The following EDEM1 variants were observed in gnomAD, a reference collection of about 807,000 sequenced individuals.
EDEM1 encodes the protein ER degradation enhancing alpha-mannosidase like protein 1.
A neutral mutation model predicts 74.4 loss-of-function variants in EDEM1; 67 were observed. The observed-to-expected ratio is 0.90, with a 90% CI of 0.74 to 1.10. The LOEUF is 1.10. EDEM1 is among the 50% of genes least tolerant of loss of function. The pLI is 0.00. For synonymous variants in EDEM1, 382 were observed against 335.9 expected (o/e 1.14, Z -1.50); for missense variants, 926 against 851.6 (o/e 1.09, Z -1.09).
Position 5,196,337 on chromosome 3 carries a change from G to C in EDEM1, c.582+1056G>C, listed in dbSNP as rs186210041. On this transcript the variant is annotated intron_variant, in intron 2 of 11. Coordinates refer to ENST00000256497, the MANE Select transcript of EDEM1 (RefSeq NM_014674.3). ...CTGGGCATGGTGGCGGGCGCCTGTG[G>C]TCCCAGCTCTTCAAGAGGCTGAGGC... Among the ~76,000 whole-genome samples, 208 of 152,198 alleles carry C rather than the reference G, an allele frequency of 1.4e-3. 1 individual carries two copies. Among genetic ancestry groups the C allele is most frequent in the African/African-American group, 4.9e-3 (203 of 41,512 alleles).
At chr3:5,203,597 G>A (rs920732781) in intron 5 of EDEM1, among the ~76,000 whole-genome samples, 5 of 152,090 alleles carry the variant, frequency 3.3e-5, no homozygotes, top group Non-Finnish European at 7.4e-5. Flanking sequence ...AGAATGTTTG[G>A]TGAAGATGTT....
chr3:5,201,784 A>G lies in EDEM1; in HGVS notation c.718A>G (p.Ile240Val). ...GGGAAGCCTCCTTTCTGCTCACAGA[A>G]TAATAACTGACTCCAAGCAGCCCTT... ...VLGSLLSAHR[I>V]ITDSKQPFGD... The change falls in exon 4 of 12, where the codon ATA (isoleucine) becomes GTA (valine). Residue 240 changes from isoleucine (I) to valine (V), a missense_variant. Transcript: ENST00000256497. 1.2e-6 allele frequency: 2 copies of G among 1,614,166 alleles called. No individual in the cohort carries two copies. The highest frequency in any genetic ancestry group is 1.7e-6 in the Non-Finnish European group (2 of 1,180,024).
In EDEM1 at chr3:5,188,040, G is replaced by A; in HGVS notation, c.235G>A (p.Ala79Thr). The change falls in exon 1 of 12, where the codon GCA (alanine) becomes ACA (threonine). Residue 79 changes from alanine to threonine, a missense_variant. Ala to Thr is a moderately conservative substitution (Grantham distance 58, BLOSUM62 0). Transcript: ENST00000256497. Reference protein sequence around the residue: ...PSWLQPPGTGAAQSPRKAPRR... With the variant: ...PSWLQPPGTGTAQSPRKAPRR... Reference sequence around the variant, plus strand: ...GTGGCTGCAGCCGCCGGGGACCGGGGCAGCGCAGAGCCCGCGCAAGGCTCC... The same window carrying A: ...GTGGCTGCAGCCGCCGGGGACCGGGACAGCGCAGAGCCCGCGCAAGGCTCC... 1.4e-6 allele frequency: 2 copies of A among 1,435,866 alleles called. No homozygotes were observed. The highest frequency in any genetic ancestry group is 1.5e-5 in the South Asian group (1 of 67,314). The allele number at this position is 1,435,866 out of a possible 1,614,324, so 88.9% of individuals were successfully genotyped here.
Position 5,188,309 on chromosome 3 carries a change from G to A in EDEM1, c.504G>A (p.Gly168=). The change falls in exon 1 of 12, where the codon GGG becomes GGA. Residue 168 remains glycine (G), a synonymous_variant. Coordinates refer to ENST00000256497, the MANE Select transcript of EDEM1 (RefSeq NM_014674.3). ...GCCGCGGCCGTGGGCCCGACCGCGG[G>A]GACCCGTGAGTAGCCCCCGCCGCCC... ...IHCRGRGPDR[G]DPSNLNINDV... is the part of the protein sequence containing the mutation. 1 of 1,511,928 alleles carries A rather than the reference G, an allele frequency of 6.6e-7. No homozygotes were observed. Among genetic ancestry groups the A allele is most frequent in the Non-Finnish European group, 8.9e-7 (1 of 1,127,006 alleles). The allele number at this position is 1,511,928 out of a possible 1,614,324, so 93.7% of individuals were successfully genotyped here. A position where few individuals can be genotyped will look rare whatever the true frequency, so the allele number is the denominator to read the frequency against.
In EDEM1 at chr3:5,201,858, C is replaced by G; in HGVS notation, c.792C>G (p.Ala264=). Residue 264 remains alanine (A), a synonymous_variant, in exon 4 of 12, where the codon GCC becomes GCG. Transcript: ENST00000256497. ...ATGATAATGAGTTGTTATACATGGC[C>G]CATGACCTGGCGGTGCGGCTCCTCC... ...KDYDNELLYM[A]HDLAVRLLPA... 1 of 1,614,176 alleles carries G rather than the reference C, an allele frequency of 6.2e-7. No individual in the cohort carries two copies. The highest frequency in any genetic ancestry group is 1.1e-5 in the South Asian group (1 of 91,086).
Position 5,195,293 on chromosome 3 carries a change from C to A in EDEM1, c.582+12C>A, listed in dbSNP as rs536822407. 3 of 1,513,584 alleles carry A rather than the reference C, an allele frequency of 2.0e-6. No individual in the cohort carries two copies. Among genetic ancestry groups the A allele is most frequent in the Non-Finnish European group, 8.9e-7 (1 of 1,123,612 alleles). 93.8% of individuals were successfully genotyped at this position (1,513,584 alleles called of 1,614,324 possible). A position where few individuals can be genotyped will look rare whatever the true frequency, so the allele number is the denominator to read the frequency against. On this transcript the variant is annotated intron_variant, in intron 2 of 11. Transcript: ENST00000256497. ...TGGATACACTTGCAGTAAGTGTTCACCTTTTTTTAAAAAAATGAATTAAGA... is the reference window on the plus strand; with the variant it reads ...TGGATACACTTGCAGTAAGTGTTCAACTTTTTTTAAAAAAATGAATTAAGA...
At position 5,201,791 on chromosome 3, in the gene EDEM1, C is replaced by T; in HGVS notation, c.725C>T (p.Thr242Ile). ...CTCCTTTCTGCTCACAGAATAATAA[C>T]TGACTCCAAGCAGCCCTTTGGTGAC... ...GSLLSAHRII[T>I]DSKQPFGDMT... The change falls in exon 4 of 12, where the codon ACT (threonine) becomes ATT (isoleucine). Residue 242 changes from threonine to isoleucine, a missense_variant. Coordinates refer to ENST00000256497, the MANE Select transcript of EDEM1 (RefSeq NM_014674.3). 1.2e-6 allele frequency: 2 copies of T among 1,614,190 alleles called. No homozygotes were observed.
chr3:5,197,530 A>C (rs967279844), intron 2 of EDEM1, among the ~76,000 whole-genome samples: 1 of 152,158 alleles, frequency 6.6e-6, no homozygotes, highest in African/African-American at 2.4e-5. Flanking sequence ...ACTTGATTTG[A>C]GCTCCTGTCA....
chr3:5,213,423 G>C lies in EDEM1; in HGVS notation c.1785G>C (p.Trp595Cys), dbSNP rs200021814. 2.5e-6 allele frequency: 4 copies of C among 1,614,202 alleles called. No individual in the cohort carries two copies. The highest frequency in any genetic ancestry group is 3.4e-6 in the Non-Finnish European group (4 of 1,180,034). ...ATGAGCATCTTCGGGAATTGCCATG[G>C]AAGGAATTCTTCTCTGAAGAGGGAG... ...SVDEHLRELP[W>C]KEFFSEEGGQ... The change falls in exon 11 of 12, where the codon TGG (tryptophan) becomes TGC (cysteine). Residue 595 changes from tryptophan to cysteine, a missense_variant. Trp to Cys is a radical substitution (Grantham distance 215). Coordinates refer to ENST00000256497, the MANE Select transcript of EDEM1 (RefSeq NM_014674.3).
intron 11 of EDEM1, among the ~76,000 whole-genome samples, chr3:5,215,463 C>T (rs545993089): frequency 5.3e-5 from 8 of 152,296 alleles, no homozygotes; most frequent in South Asian, 4.2e-4. Context: ...GTCCTGGCCA[C>T]GAAGCAGTTG....
At chr3:5,204,183 T>G (rs1164146215) in intron 5 of EDEM1, among the ~76,000 whole-genome samples, 1 of 152,164 alleles carries the variant, frequency 6.6e-6, no homozygotes, top group Admixed American at 6.5e-5. Flanking sequence ...ATTGTCAACT[T>G]TTTAGGTTTC....
intron 1 of EDEM1, among the ~76,000 whole-genome samples, chr3:5,192,347 A>G (rs2054911778): frequency 6.6e-6 from 1 of 152,244 alleles, no homozygotes; most frequent in Non-Finnish European, 1.5e-5. Flanking sequence ...ATTTCTGAAC[A>G]GCTGTTACAG....
chr3:5,188,124 C>T lies in EDEM1; in HGVS notation c.319C>T (p.Arg107Trp), dbSNP rs1230092143. The T allele has an allele frequency of 4.6e-6, 7 of 1,523,642 alleles. No homozygotes were observed. The highest frequency in any genetic ancestry group is 6.2e-6 in the Non-Finnish European group (7 of 1,135,298). The allele number at this position is 1,523,642 out of a possible 1,614,324, so 94.4% of individuals were successfully genotyped here. A position where few individuals can be genotyped will look rare whatever the true frequency, so the allele number is the denominator to read the frequency against. The change falls in exon 1 of 12, where the codon CGG becomes TGG. Residue 107 changes from arginine to tryptophan, a missense_variant. Physicochemically the swap from Arg to Trp is moderately radical, Grantham distance 101. Coordinates refer to ENST00000256497, the MANE Select transcript of EDEM1 (RefSeq NM_014674.3). The part of the protein sequence containing the change: ...PANWGYVLGG[R>W]GRGPDEYEKR... ...CAACTGGGGCTACGTGCTGGGCGGC[C>T]GGGGCCGCGGCCCGGACGAGTACGA...
At chr3:5,198,173 G>C (rs982903116) in intron 2 of EDEM1, among the ~76,000 whole-genome samples, 1 of 151,954 alleles carries the variant, frequency 6.6e-6, no homozygotes, top group African/African-American at 2.4e-5. Flanking sequence ...TCAGCCTCCC[G>C]AGTAGCTGGG....
chr3:5,205,188 C>T lies in EDEM1; in HGVS notation c.1164C>T (p.Asp388=), dbSNP rs1575588993. 1 of 1,614,068 alleles carries T rather than the reference C, an allele frequency of 6.2e-7. No individual in the cohort carries two copies. Among genetic ancestry groups the T allele is most frequent in the African/African-American group, 1.3e-5 (1 of 74,930 alleles). The change falls in exon 6 of 12, where the codon GAC becomes GAT. Residue 388 remains aspartate (D), a synonymous_variant. Transcript: ENST00000256497. The part of the protein sequence containing the change: ...KSYILFGEKE[D]LEMFNAAYQS... Reference sequence around the variant, plus strand: ...ACATTCTCTTTGGAGAAAAAGAAGACCTAGAAATGTTTAATGCTGCATATC... The same window carrying T: ...ACATTCTCTTTGGAGAAAAAGAAGATCTAGAAATGTTTAATGCTGCATATC...
rs553016666 is a variant in EDEM1 at position 5,202,288 on chromosome 3, A to T, written c.858+364A>T. On this transcript the variant is annotated intron_variant, in intron 4 of 11. Coordinates refer to ENST00000256497, the MANE Select transcript of EDEM1 (RefSeq NM_014674.3). ...CTGACTTGGGTCTGTTTTCCCAGAG[A>T]TCCTCACATGGGTATTGCGGGAGCT... Among the ~76,000 whole-genome samples the T allele has an allele frequency of 1.1e-4, 17 of 152,324 alleles. No homozygotes were observed. The South Asian group carries it at 3.3e-3, about 30-fold the overall frequency.
At chr3:5,207,970 T>C in intron 7 of EDEM1, 123 bp from the exon 8 acceptor site, 1 of 1,237,568 alleles carries the variant, frequency 8.1e-7, no homozygotes, top group Non-Finnish European at 1.1e-6. Flanking sequence ...GTTTTGTCTT[T>C]AACCGTATGT....
intron 2 of EDEM1, among the ~76,000 whole-genome samples, chr3:5,197,082 T>A (rs2648643): frequency 8.3e-6 from 1 of 120,024 alleles, no homozygotes; most frequent in African/African-American, 3.1e-5. Context: ...TTTTTTTTTT[T>A]CCCCATTTTG....
chr3:5,208,876 C>T (rs546885768), intron 8 of EDEM1, among the ~76,000 whole-genome samples: 14 of 152,164 alleles, frequency 9.2e-5, no homozygotes, highest in South Asian at 2.1e-4. Flanking sequence ...TTCTTCCTGA[C>T]GGTTGAAGCC....
Sources: allele counts gnomAD v4.1 joint callset (sites outside exome capture counted in the v4.1 genomes callset), GRCh38; gene constraint gnomAD v4.1.1; transcripts MANE v1.5; gene names NCBI Gene and HGNC (gene_info 2026-07-23, HGNC 2026-07-21).